The following DEF6 variants were observed in gnomAD, a reference collection of about 807,000 sequenced individuals.
The protein encoded by DEF6 is differentially expressed in FDCP 6 homolog.
In DEF6, 32 loss-of-function variants were observed where a neutral mutation model predicts 80.5. That is an observed-to-expected ratio of 0.40 (90% CI 0.30 to 0.53). DEF6 has a LOEUF of 0.53. Ranked by LOEUF, DEF6 falls within the 20% of genes least tolerant of loss-of-function variation. The pLI, the probability that DEF6 is intolerant of heterozygous loss-of-function variation, is 0.57. For synonymous variants in DEF6, 300 were observed against 337.9 expected (o/e 0.89, Z 1.23); for missense variants, 575 against 818.7 (o/e 0.70, Z 3.63).
chr6:35,318,476 G>T lies in DEF6; in HGVS notation c.1215+5G>T. ...CAACTGCGCGAGGCGGAGCAGGTGG[G>T]GTTAGCTCCCGGCGCCGGGGACGGG... On this transcript the variant is annotated splice_donor_5th_base_variant and intron_variant, in intron 7 of 10. Transcript: ENST00000316637. This position sits in a 1 kb window ranked among gnomAD's most constrained non-coding sequence, Gnocchi z 5.1. The T allele has an allele frequency of 1.4e-6, 2 of 1,398,164 alleles. No homozygotes were observed. Among genetic ancestry groups the T allele is most frequent in the South Asian group, 1.6e-5 (1 of 63,524 alleles). The allele number at this position is 1,398,164 out of a possible 1,614,324, so 86.6% of individuals were successfully genotyped here.
At chr6:35,302,190 C>G (rs1458409575) in intron 1 of DEF6, among the ~76,000 whole-genome samples, 1 of 151,860 alleles carries the variant, frequency 6.6e-6, no homozygotes, top group African/African-American at 2.4e-5. Flanking sequence ...AGCAAGACCC[C>G]AACTCTACAA....
In DEF6 at chr6:35,321,503, G is replaced by A. The variant is rs910088277; in HGVS notation, c.*93G>A. 4.0e-6 allele frequency: 5 copies of A among 1,240,490 alleles called. No homozygotes were observed. The highest frequency in any genetic ancestry group is 4.5e-6 in the Non-Finnish European group (4 of 887,676). The allele number at this position is 1,240,490 out of a possible 1,614,324, so 76.8% of individuals were successfully genotyped here. ...TGATCCCAGCTCTTACTAGGAGAGGGAGCTGAGGTCCTGGTGCCAGGGGCC... is the reference window on the plus strand; with the variant it reads ...TGATCCCAGCTCTTACTAGGAGAGGAAGCTGAGGTCCTGGTGCCAGGGGCC... On this transcript the variant is annotated 3_prime_UTR_variant, in exon 11 of 11. Coordinates refer to ENST00000316637, the MANE Select transcript of DEF6 (RefSeq NM_022047.4).
chr6:35,319,712 T>C lies in DEF6; in HGVS notation c.1382+22T>C. 1 of 1,607,506 alleles carries C rather than the reference T, an allele frequency of 6.2e-7. No individual in the cohort carries two copies. The highest frequency in any genetic ancestry group is 8.5e-7 in the Non-Finnish European group (1 of 1,175,348). On this transcript the variant is annotated intron_variant, in intron 8 of 10. Coordinates refer to ENST00000316637, the MANE Select transcript of DEF6 (RefSeq NM_022047.4). This position sits in a 1 kb window ranked among gnomAD's most constrained non-coding sequence, Gnocchi z 4.5. ...CCAGGTAGGCCTGAGGAACCTCTTCTGGTTCTCTCACCACCCCTCCTGGAA... is the reference window on the plus strand; with the variant it reads ...CCAGGTAGGCCTGAGGAACCTCTTCCGGTTCTCTCACCACCCCTCCTGGAA...
intron 1 of DEF6, among the ~76,000 whole-genome samples, chr6:35,303,889 T>C (rs1252374471): frequency 2.6e-5 from 4 of 152,118 alleles, no homozygotes; most frequent in Non-Finnish European, 5.9e-5. Flanking sequence ...TCCCAGCACT[T>C]TGGGAGGCCG....
intron 1 of DEF6, among the ~76,000 whole-genome samples, chr6:35,306,020 G>A (rs1413107993): frequency 2.0e-5 from 3 of 151,822 alleles, no homozygotes; most frequent in African/African-American, 7.3e-5. Context: ...AGCCTCCCAA[G>A]TAGCTGGGAT....
intron 5 of DEF6, among the ~76,000 whole-genome samples, chr6:35,315,535 T>C (rs1232822306): frequency 2.0e-5 from 3 of 152,222 alleles, no homozygotes; most frequent in African/African-American, 7.2e-5. Flanking sequence ...TAAATTGCTT[T>C]GGGTAATATT....
intron 1 of DEF6, among the ~76,000 whole-genome samples, chr6:35,304,479 C>T (rs1471115153): frequency 6.6e-6 from 1 of 152,140 alleles, no homozygotes; most frequent in Non-Finnish European, 1.5e-5. Flanking sequence ...GTGCAAAGGC[C>T]CTTGGGCAAG....
Position 35,308,727 on chromosome 6 carries a change from T to TA in DEF6, c.97-940dup, listed in dbSNP as rs1339981712. Among the ~76,000 whole-genome samples the TA allele has an allele frequency of 3.5e-3, 418 of 118,376 alleles. 1 individual carries two copies. Among genetic ancestry groups the TA allele is most frequent in the African/African-American group, 0.011 (335 of 30,284 alleles). The allele number at this position is 118,376 out of a possible 152,430, so 77.7% of individuals were successfully genotyped here. On this transcript the variant is annotated intron_variant, in intron 1 of 10. Coordinates refer to ENST00000316637, the MANE Select transcript of DEF6 (RefSeq NM_022047.4). Reference sequence around the variant, plus strand: ...TAAAATAAAATAAAATAAAATAAAATAAATAAAATAATAAAATAAAATAAA... The same window carrying TA: ...TAAAATAAAATAAAATAAAATAAAATAAAATAAAATAATAAAATAAAATAAA...
chr6:35,320,228 A>G (rs1463994328), intron 9 of DEF6, among the ~76,000 whole-genome samples: 1 of 152,192 alleles, frequency 6.6e-6, no homozygotes, highest in Non-Finnish European at 1.5e-5. Context: ...GATACATGAT[A>G]CTTAGTACGT....
At chr6:35,299,623 C>G (rs1791287177) in intron 1 of DEF6, among the ~76,000 whole-genome samples, 1 of 152,208 alleles carries the variant, frequency 6.6e-6, no homozygotes, top group South Asian at 2.1e-4. Flanking sequence ...CCATGGAGAG[C>G]TTGCATGCTT....
chr6:35,319,968 A>G lies in DEF6; in HGVS notation c.1532A>G (p.Gln511Arg). The G allele has an allele frequency of 6.4e-7, 1 of 1,565,950 alleles. No individual in the cohort carries two copies. The highest frequency in any genetic ancestry group is 8.7e-7 in the Non-Finnish European group (1 of 1,154,624). The change falls in exon 9 of 11, where the codon CAG becomes CGG. Residue 511 changes from glutamine (Q) to arginine (R), a missense_variant. Coordinates refer to ENST00000316637, the MANE Select transcript of DEF6 (RefSeq NM_022047.4). The surrounding 1 kb of genome is among the most constrained non-coding windows in gnomAD (Gnocchi z 4.5). ...CGCTCCCTGCAGCAGGCCCAGCAGCAGCTGGAGGAGGTGCGGCAGAACCGG... is the reference window on the plus strand; with the variant it reads ...CGCTCCCTGCAGCAGGCCCAGCAGCGGCTGGAGGAGGTGCGGCAGAACCGG... Reference protein sequence around the residue: ...QSRSLQQAQQQLEEVRQNRQR... With the variant: ...QSRSLQQAQQRLEEVRQNRQR...
intron 2 of DEF6, among the ~76,000 whole-genome samples, chr6:35,310,167 G>A (rs915937238): frequency 2.0e-5 from 3 of 152,162 alleles, no homozygotes; most frequent in African/African-American, 7.2e-5. Flanking sequence ...TGTGTTTCCA[G>A]GTTCTTGGCT....
chr6:35,321,109 T>G lies in DEF6; in HGVS notation c.1673-78T>G, dbSNP rs1225499462. The G allele has an allele frequency of 1.3e-5, 20 of 1,567,890 alleles. No homozygotes were observed. The East Asian group carries it at 2.0e-4, about 16-fold the overall frequency. On this transcript the variant is annotated intron_variant, in intron 10 of 10. Coordinates refer to ENST00000316637, the MANE Select transcript of DEF6 (RefSeq NM_022047.4). ...TGGCAGTCAGGAGGCTCCCCTCTCC[T>G]CTGAGGGCTGAGGCAAGGCCCCTCG... is the stretch of plus-strand genomic sequence containing the variant.
chr6:35,318,474 G>A lies in DEF6; in HGVS notation c.1215+3G>A, dbSNP rs753294972. Reference sequence around the variant, plus strand: ...GCCAACTGCGCGAGGCGGAGCAGGTGGGGTTAGCTCCCGGCGCCGGGGACG... The same window carrying A: ...GCCAACTGCGCGAGGCGGAGCAGGTAGGGTTAGCTCCCGGCGCCGGGGACG... On this transcript the variant is annotated splice_donor_region_variant and intron_variant, in intron 7 of 10. Transcript: ENST00000316637. The surrounding 1 kb of genome is among the most constrained non-coding windows in gnomAD (Gnocchi z 5.1). 31 of 1,412,404 alleles carry A rather than the reference G, an allele frequency of 2.2e-5. No individual in the cohort carries two copies. The highest frequency in any genetic ancestry group is 2.6e-4 in the Middle Eastern group (1 of 3,888). 87.5% of individuals were successfully genotyped at this position (1,412,404 alleles called of 1,614,324 possible). A position where few individuals can be genotyped will look rare whatever the true frequency, so the allele number is the denominator to read the frequency against.
chr6:35,321,107 C>T, intron 10 of DEF6, 80 bp from the exon 11 acceptor site: 1 of 1,562,812 alleles, frequency 6.4e-7, no homozygotes, highest in Non-Finnish European at 8.8e-7. Context: ...GCTCCCCTCT[C>T]CTCTGAGGGC....
chr6:35,310,425 T>C (rs547958962), intron 2 of DEF6, 34 bp from the exon 3 acceptor site: 5 of 1,605,588 alleles, frequency 3.1e-6, no homozygotes, highest in Admixed American at 3.3e-5. Context: ...AGAGCTGAGA[T>C]ATGCAGTCAG....
chr6:35,318,291 G>C lies in DEF6; in HGVS notation c.1035G>C (p.Glu345Asp). Residue 345 changes from glutamate to aspartate, a missense_variant, in exon 7 of 11, where the codon GAG becomes GAC. Coordinates refer to ENST00000316637, the MANE Select transcript of DEF6 (RefSeq NM_022047.4). This position sits in a 1 kb window ranked among gnomAD's most constrained non-coding sequence, Gnocchi z 5.1. ...QRERRRAAKE[E>D]ELLRLQQLQE... ...AGCGGCGCCGGGCGGCCAAGGAAGA[G>C]GAGCTGCTGCGGCTGCAGCAGCTGC... The C allele has an allele frequency of 6.4e-7, 1 of 1,559,958 alleles. No individual in the cohort carries two copies. The highest frequency in any genetic ancestry group is 8.7e-7 in the Non-Finnish European group (1 of 1,153,492).
At chr6:35,306,541 C>A (rs746648827) in intron 1 of DEF6, among the ~76,000 whole-genome samples, 2 of 152,014 alleles carry the variant, frequency 1.3e-5, no homozygotes, top group African/African-American at 4.8e-5. Flanking sequence ...AAGTTTCTCC[C>A]CTCACTCTGG....
At chr6:35,309,886 C>T in intron 2 of DEF6, 76 bp downstream of exon 2, 1 of 1,542,716 alleles carries the variant, frequency 6.5e-7, no homozygotes, top group South Asian at 1.2e-5. Flanking sequence ...AATACCTTGC[C>T]ACTCCAACTC....
Sources: allele counts gnomAD v4.1 joint callset (sites outside exome capture counted in the v4.1 genomes callset), GRCh38; gene constraint gnomAD v4.1.1; non-coding constraint Gnocchi (gnomAD v3.1); transcripts MANE v1.5; gene names NCBI Gene and HGNC (gene_info 2026-07-23, HGNC 2026-07-21).